Variants in COL1A2 observed in about 807,000 individuals in gnomAD.
The protein encoded by COL1A2 is collagen type I alpha 2 chain.
Under a neutral mutation model 174.3 loss-of-function variants are expected in COL1A2, and 49 were observed. That is an observed-to-expected ratio of 0.28 (90% CI 0.22 to 0.36). The LOEUF (loss-of-function observed/expected upper bound fraction) is 0.36. COL1A2 is among the 10% of genes least tolerant of loss of function. The pLI is 1.00. For synonymous variants in COL1A2, 655 were observed against 606.6 expected (o/e 1.08, Z -1.17); for missense variants, 1,438 against 1,822.7 (o/e 0.79, Z 3.84).
intron 29 of COL1A2, among the ~76,000 whole-genome samples, chr7:94,414,859 A>G (rs187235304): frequency 1.3e-5 from 2 of 152,368 alleles, no homozygotes; most frequent in East Asian, 3.9e-4. Context: ...TGTACAGAAT[A>G]TGATAATTTC....
rs1395422975 is a variant in COL1A2, at chr7:94,419,493, A to G, written c.2026-5A>G. ...TAATAAGACATGTTTCCTTTTTGGT[A>G]CTAGGGTGCTCCTGGTGCTGTAGGT... On this transcript the variant is annotated splice_region_variant and splice_polypyrimidine_tract_variant and intron_variant, in intron 33 of 51. Transcript: ENST00000297268. 4 of 1,614,048 alleles carry G rather than the reference A, an allele frequency of 2.5e-6. No homozygotes were observed. The Admixed American group carries it at 5.0e-5, about 20-fold the overall frequency.
chr7:94,406,875 A>G (rs1362887637), intron 12 of COL1A2, among the ~76,000 whole-genome samples: 5 of 152,228 alleles, frequency 3.3e-5, no homozygotes, highest in Non-Finnish European at 5.9e-5. Flanking sequence ...TGTGATATTA[A>G]AGTGAATACC....
At position 94,416,648 on chromosome 7, in the gene COL1A2, G is replaced by C. The variant is rs148666306; in HGVS notation, c.1863+145G>C. 1.1e-3 allele frequency: 705 copies of C among 665,690 alleles called. 6 individuals carry two copies. In the African/African-American group the frequency reaches 0.011, roughly 11 times the overall value. 41.2% of individuals were successfully genotyped at this position (665,690 alleles called of 1,614,324 possible). ...CTTCCCTCTCAGTAAACAGCAATCC[G>C]ATTCCAGTGGACCTGAATTATTCTA... is the stretch of plus-strand genomic sequence containing the variant. On this transcript the variant is annotated intron_variant, in intron 31 of 51. Coordinates refer to ENST00000297268, the MANE Select transcript of COL1A2 (RefSeq NM_000089.4).
rs754575611 is a variant in COL1A2, at chr7:94,428,332, A to G, written c.3566A>G (p.Asp1189Gly). The G allele has an allele frequency of 6.2e-7, 1 of 1,614,124 alleles. No homozygotes were observed. Among genetic ancestry groups the G allele is most frequent in the Admixed American group, 1.7e-5 (1 of 60,024 alleles). Residue 1189 changes from aspartate (D) to glycine (G), a missense_variant, in exon 50 of 52, where the codon GAT becomes GGT. Asp to Gly is a moderately conservative substitution (Grantham distance 94). Around this residue, in one of 3 missense-constraint regions of COL1A2, gnomAD observed 290 missense variants for 298.1 expected, o/e 0.97. Transcript: ENST00000297268. ...GACCCTAACCAAGGATGCACTATGG[A>G]TGCTATCAAAGTATACTGTGATTTC... ...WIDPNQGCTMDAIKVYCDFST... is the reference protein window; with the variant it reads ...WIDPNQGCTMGAIKVYCDFST...
At chr7:94,421,852 C>A in intron 38 of COL1A2, 47 bp from the exon 39 acceptor site, 4 of 1,574,374 alleles carry the variant, frequency 2.5e-6, no homozygotes, top group Non-Finnish European at 2.6e-6. Flanking sequence ...TACCCAAATT[C>A]TTGGAGTTGA....
chr7:94,398,700 A>C (rs1207639049), intron 3 of COL1A2, among the ~76,000 whole-genome samples: 2 of 152,034 alleles, frequency 1.3e-5, no homozygotes, highest in Non-Finnish European at 2.9e-5. Context: ...TAGGGAGTAA[A>C]AAAAGTTTAT....
At position 94,414,480 on chromosome 7, in the gene COL1A2, G is replaced by A. The variant is rs558474102; in HGVS notation, c.1719+205G>A. On this transcript the variant is annotated intron_variant, in intron 29 of 51. Coordinates refer to ENST00000297268, the MANE Select transcript of COL1A2 (RefSeq NM_000089.4). Reference sequence around the variant, plus strand: ...GATTACTTTGTTTTACAGATTTAATGAAACATCACCTTATGAAAGTAAAAT... The same window carrying A: ...GATTACTTTGTTTTACAGATTTAATAAAACATCACCTTATGAAAGTAAAAT... Among the ~76,000 whole-genome samples, 14 of 152,264 alleles carry A rather than the reference G, an allele frequency of 9.2e-5. 1 individual carries two copies. The South Asian group carries it at 2.1e-3, about 23-fold the overall frequency.
At chr7:94,427,552 G>A (rs189435114) in intron 48 of COL1A2, 75 bp from the exon 49 acceptor site, 229 of 1,547,250 alleles carry the variant, frequency 1.5e-4, no homozygotes, top group Non-Finnish European at 1.9e-4. Context: ...AAGCTCAACT[G>A]AAAATCTGCT....
chr7:94,411,164 A>T lies in COL1A2; in HGVS notation c.1350+10A>T, dbSNP rs780333379. The T allele has an allele frequency of 6.4e-7, 1 of 1,560,956 alleles. No individual in the cohort carries two copies. The highest frequency in any genetic ancestry group is 1.2e-5 in the South Asian group (1 of 85,422). Reference sequence around the variant, plus strand: ...TCTCATGGGACCCAGAGTAAGTTTCAAACTGATTCTGAGCAAATCACACCT... The same window carrying T: ...TCTCATGGGACCCAGAGTAAGTTTCTAACTGATTCTGAGCAAATCACACCT... On this transcript the variant is annotated intron_variant, in intron 23 of 51. Coordinates refer to ENST00000297268, the MANE Select transcript of COL1A2 (RefSeq NM_000089.4).
In COL1A2 at chr7:94,409,735, G is replaced by A. The variant is rs142803502; in HGVS notation, c.949G>A (p.Val317Ile). Residue 317 changes from valine (V) to isoleucine (I), a missense_variant, in exon 19 of 52, where the codon GTT (valine) becomes ATT (isoleucine). Physicochemically the swap from Val to Ile is conservative, Grantham distance 29. Transcript: ENST00000297268. ...GAKGAAGLPG[V>I]AGAPGLPGPR... ...TTTTCCTTCACAGGGCCTTCCCGGC[G>A]TTGCTGGGGCTCCCGGCCTCCCTGG... 167 of 1,613,974 alleles carry A rather than the reference G, an allele frequency of 1.0e-4. No homozygotes were observed. The highest frequency in any genetic ancestry group is 1.9e-4 in the South Asian group (17 of 91,078).
At chr7:94,427,992 T>C in intron 49 of COL1A2, 107 bp downstream of exon 49, 1 of 1,227,648 alleles carries the variant, frequency 8.1e-7, no homozygotes. Context: ...AAAGATTACA[T>C]TATGTGAAAT....
chr7:94,395,840 T>G (rs1171586084), intron 1 of COL1A2, among the ~76,000 whole-genome samples: 1 of 152,340 alleles, frequency 6.6e-6, no homozygotes, highest in East Asian at 1.9e-4. Flanking sequence ...ATTCACTTTC[T>G]AGTCATGGAA....
chr7:94,401,207 G>A (rs991561282), intron 5 of COL1A2, among the ~76,000 whole-genome samples: 1 of 152,120 alleles, frequency 6.6e-6, no homozygotes, highest in African/African-American at 2.4e-5. Context: ...CTTGAGCTCT[G>A]TCTAATTTGT....
chr7:94,407,269 A>G (rs1262679695), intron 12 of COL1A2, among the ~76,000 whole-genome samples: 1 of 152,158 alleles, frequency 6.6e-6, no homozygotes, highest in Non-Finnish European at 1.5e-5. Flanking sequence ...GGTCTCTTAA[A>G]CCATATTTCC....
At chr7:94,400,121 TG>T in intron 4 of COL1A2, 74 bp from the exon 5 acceptor site, 1 of 1,381,118 alleles carries the variant, frequency 7.2e-7, no homozygotes. Context: ...TCTGAACAAC[TG>T]ATCTTACCAC....
chr7:94,407,977 A>G, intron 13 of COL1A2, 86 bp downstream of exon 13: 2 of 1,291,854 alleles, frequency 1.5e-6, no homozygotes, highest in Non-Finnish European at 2.2e-6. Flanking sequence ...TAATCACTGT[A>G]TCCTTCAGCA....
rs1277668852 is a variant in COL1A2, at chr7:94,416,436, C to T, written c.1796C>T (p.Ala599Val). The change falls in exon 31 of 52, where the codon GCT (alanine) becomes GTT (valine). Residue 599 changes from alanine to valine, a missense_variant. Coordinates refer to ENST00000297268, the MANE Select transcript of COL1A2 (RefSeq NM_000089.4). ...CGCGGTCCCCCAGGTGAGAGTGGTG[C>T]TGCCGGTCCTACTGGTCCTATTGGA... is the stretch of plus-strand genomic sequence containing the variant. ...GERGPPGESG[A>V]AGPTGPIGSR... The T allele has an allele frequency of 6.3e-7, 1 of 1,585,898 alleles. No homozygotes were observed. The highest frequency in any genetic ancestry group is 8.6e-7 in the Non-Finnish European group (1 of 1,165,322).
intron 25 of COL1A2, 21 bp from the exon 26 acceptor site, chr7:94,413,062 T>A: frequency 6.2e-7 from 1 of 1,613,372 alleles, no homozygotes; most frequent in Non-Finnish European, 8.5e-7. Flanking sequence ...TTCTTTGTTT[T>A]GTTTTTCATT....
intron 6 of COL1A2, among the ~76,000 whole-genome samples, chr7:94,402,556 AC>A (rs1483638750): frequency 6.6e-6 from 1 of 152,038 alleles, no homozygotes; most frequent in Non-Finnish European, 1.5e-5. Context: ...GAAGCTTCTA[AC>A]AAGCATTAGA....
Sources: gnomAD v4.1 joint callset for allele counts (sites outside exome capture counted in the v4.1 genomes callset) on GRCh38, gnomAD v4.1.1 for gene constraint, gnomAD v4.1.1 regional missense constraint, MANE v1.5 for transcripts, NCBI Gene and HGNC (gene_info 2026-07-23, HGNC 2026-07-21) for gene names.